The following CCDC192 variants were observed in gnomAD, a reference collection of about 807,000 sequenced individuals.
CCDC192 encodes coiled-coil domain containing 192, also known as coiled-coil domain-containing protein 192.
Position 127,722,641 on chromosome 5 carries a change from C to T in CCDC192, c.114+14881C>T, listed in dbSNP as rs150424394. ...ATTTTGATTTGATTTTTGTGTATGG[C>T]GAAACATAGGGGTCTAGTTTCATTC... On this transcript the variant is annotated intron_variant, in intron 2 of 6. Coordinates refer to ENST00000514853, the MANE Select transcript of CCDC192 (RefSeq NM_001317938.2). 8.6e-4 allele frequency among the ~76,000 whole-genome samples: 131 copies of T among 152,124 alleles called. 1 individual carries two copies. The highest frequency in any genetic ancestry group is 2.9e-3 in the East Asian group (15 of 5,182).
chr5:127,711,178 G>A (rs1251191689), intron 2 of CCDC192, among the ~76,000 whole-genome samples: 1 of 152,164 alleles, frequency 6.6e-6, no homozygotes, highest in African/African-American at 2.4e-5. Flanking sequence ...TGGTTATGTG[G>A]AGTGCCACAT....
At chr5:127,897,050 T>G (rs1752911815) in intron 6 of CCDC192, among the ~76,000 whole-genome samples, 2 of 141,548 alleles carry the variant, frequency 1.4e-5, no homozygotes, top group South Asian at 4.7e-4. Context: ...TCTTCTCTAA[T>G]GTCTCTCTCT....
chr5:127,835,837 CTGGGG>C (rs772999697), intron 5 of CCDC192, among the ~76,000 whole-genome samples: 34 of 152,230 alleles, frequency 2.2e-4, no homozygotes, highest in Non-Finnish European at 4.6e-4. Context: ...TCCTCAACAC[CTGGGG>C]ATTACAATTC....
chr5:127,703,993 A>G (rs1750821657), intron 1 of CCDC192, among the ~76,000 whole-genome samples: 1 of 152,218 alleles, frequency 6.6e-6, no homozygotes, highest in African/African-American at 2.4e-5. Context: ...ATTGATCTGC[A>G]TTTAATTACT....
intron 5 of CCDC192, among the ~76,000 whole-genome samples, chr5:127,821,291 C>G (rs901300917): frequency 1.3e-5 from 2 of 152,194 alleles, no homozygotes; most frequent in Non-Finnish European, 2.9e-5. Flanking sequence ...TCTAAATGAG[C>G]TGGCTTCAGG....
At chr5:127,751,117 T>G (rs1754136761) in intron 2 of CCDC192, among the ~76,000 whole-genome samples, 3 of 148,024 alleles carry the variant, frequency 2.0e-5, no homozygotes, top group South Asian at 2.2e-4. Flanking sequence ...CATTTACATT[T>G]AAAGTTAATA....
intron 2 of CCDC192, among the ~76,000 whole-genome samples, chr5:127,711,114 A>G (rs535991861): frequency 6.6e-6 from 1 of 152,312 alleles, no homozygotes; most frequent in Admixed American, 6.5e-5. Context: ...CCTCTGAACT[A>G]TTTCTGAGAA....
chr5:127,736,434 C>T (rs188029836), intron 2 of CCDC192, among the ~76,000 whole-genome samples: 17 of 151,852 alleles, frequency 1.1e-4, no homozygotes, highest in Non-Finnish European at 1.9e-4. Context: ...CAGAATGATG[C>T]TTGCCTCATA....
intron 3 of CCDC192, among the ~76,000 whole-genome samples, chr5:127,773,535 A>G (rs764091763): frequency 6.6e-6 from 1 of 152,172 alleles, no homozygotes; most frequent in Admixed American, 6.6e-5. Flanking sequence ...ATCTAATATG[A>G]CCTTTTGTAT....
intron 1 of CCDC192, among the ~76,000 whole-genome samples, chr5:127,704,710 A>C (rs1750860753): frequency 6.6e-6 from 1 of 152,164 alleles, no homozygotes; most frequent in Non-Finnish European, 1.5e-5. Flanking sequence ...AAAGCTAATG[A>C]AATTTAGCAA....
intron 5 of CCDC192, among the ~76,000 whole-genome samples, chr5:127,848,995 T>C (rs1290054236): frequency 1.3e-5 from 2 of 152,160 alleles, no homozygotes; most frequent in Non-Finnish European, 2.9e-5. Flanking sequence ...TTTGGGAGGC[T>C]GAGGCGGGCA....
At chr5:127,802,701 C>G (rs533527432) in intron 5 of CCDC192, among the ~76,000 whole-genome samples, 25 of 152,310 alleles carry the variant, frequency 1.6e-4, no homozygotes, top group Non-Finnish European at 3.7e-4. Flanking sequence ...GCCTCTTTCT[C>G]AAGACTGCAA....
At chr5:127,843,602 T>C (rs1315005672) in intron 5 of CCDC192, among the ~76,000 whole-genome samples, 1 of 152,118 alleles carries the variant, frequency 6.6e-6, no homozygotes, top group East Asian at 1.9e-4. Flanking sequence ...CATGCCTGGC[T>C]AACTTTTGTA....
intron 2 of CCDC192, among the ~76,000 whole-genome samples, chr5:127,729,791 A>G (rs1030362867): frequency 1.1e-4 from 16 of 152,206 alleles, no homozygotes; most frequent in Admixed American, 9.2e-4. Flanking sequence ...AATAAAATTA[A>G]GGCAGAAAAC....
intron 6 of CCDC192, among the ~76,000 whole-genome samples, chr5:127,902,209 T>C (rs1580810802): frequency 6.6e-6 from 1 of 151,564 alleles, no homozygotes; most frequent in African/African-American, 2.4e-5. Context: ...GATGGGGAGG[T>C]TTCAGTGAGT....
chr5:127,748,506 T>A (rs1234440782), intron 2 of CCDC192, among the ~76,000 whole-genome samples: 1 of 130,310 alleles, frequency 7.7e-6, no homozygotes, highest in Non-Finnish European at 1.6e-5. Flanking sequence ...TTTTGGTTAC[T>A]GTAGCCTTGT....
intron 2 of CCDC192, among the ~76,000 whole-genome samples, chr5:127,727,230 G>T (rs948321528): frequency 6.6e-6 from 1 of 152,136 alleles, no homozygotes; most frequent in African/African-American, 2.4e-5. Context: ...CCAACACTTT[G>T]GGAGGCCACG....
At position 127,779,771 on chromosome 5, in the gene CCDC192, G is replaced by T. The variant is rs1375004912; in HGVS notation, c.223-17332G>T. Among the ~76,000 whole-genome samples the T allele has an allele frequency of 5.3e-5, 8 of 152,096 alleles. No individual in the cohort carries two copies. In the East Asian group the frequency reaches 1.5e-3, roughly 29 times the overall value. On this transcript the variant is annotated intron_variant, in intron 3 of 6. Coordinates refer to ENST00000514853, the MANE Select transcript of CCDC192 (RefSeq NM_001317938.2). ...TCCATAGGTTATTGGGGGTACAGAT[G>T]GTGTTTGGTTACATGAGTAAGTTCT...
intron 5 of CCDC192, among the ~76,000 whole-genome samples, chr5:127,799,308 G>A (rs1439913978): frequency 1.3e-5 from 2 of 152,158 alleles, no homozygotes; most frequent in African/African-American, 4.8e-5. Context: ...ATCTGCTGTG[G>A]CAGTTAGCAG....
Sources: allele counts gnomAD v4.1 joint callset (sites outside exome capture counted in the v4.1 genomes callset), GRCh38; gene constraint gnomAD v4.1.1; transcripts MANE v1.5; gene names NCBI Gene and HGNC (gene_info 2026-07-23, HGNC 2026-07-21).